Variants in SBK1 observed in about 807,000 individuals in gnomAD.
The protein encoded by SBK1 is SH3 domain binding kinase 1, also known as serine/threonine-protein kinase SBK1.
Under a neutral mutation model 24.4 loss-of-function variants are expected in SBK1, and 11 were observed. The ratio of observed to expected loss-of-function variants is 0.45; its 90% confidence interval spans 0.28 to 0.75. SBK1 has a LOEUF of 0.75. Ranked by LOEUF, SBK1 falls within the 30% of genes least tolerant of loss-of-function variation. SBK1 has a pLI of 0.12. For synonymous variants in SBK1, 308 were observed against 284.4 expected (o/e 1.08, Z -0.83); for missense variants, 467 against 620.5 (o/e 0.75, Z 2.63).
At position 28,320,824 on chromosome 16, in the gene SBK1, G is replaced by T; in HGVS notation, c.1178G>T (p.Gly393Val). The T allele has an allele frequency of 6.9e-7, 1 of 1,459,468 alleles. No homozygotes were observed. Among genetic ancestry groups the T allele is most frequent in the South Asian group, 1.2e-5 (1 of 80,488 alleles). The allele number at this position is 1,459,468 out of a possible 1,614,324, so 90.4% of individuals were successfully genotyped here. The change falls in exon 4 of 4, where the codon GGC (glycine) becomes GTC (valine). Residue 393 changes from glycine (G) to valine (V), a missense_variant. Coordinates refer to ENST00000341901, the MANE Select transcript of SBK1 (RefSeq NM_001024401.3). The surrounding 1 kb of genome is among the most constrained non-coding windows in gnomAD (Gnocchi z 8.5). ...GTGCCGGTGCCTGTGCCCGAGCCCG[G>T]CCTAGCTCCCCAGGGGCCCCCCGGC... The part of the protein sequence containing the change: ...VPVPVPVPEP[G>V]LAPQGPPGRT...
chr16:28,282,407 G>A (rs2044538692), intron 1 of SBK1, among the ~76,000 whole-genome samples: 1 of 152,124 alleles, frequency 6.6e-6, no homozygotes, highest in South Asian at 2.1e-4. Flanking sequence ...CTCAGCTCCC[G>A]TCACCCCTCA....
Position 28,317,527 on chromosome 16 carries a change from G to T in SBK1, c.136G>T (p.Ala46Ser). 6.2e-7 allele frequency: 1 copy of T among 1,614,168 alleles called. No individual in the cohort carries two copies. Among genetic ancestry groups the T allele is most frequent in the South Asian group, 1.1e-5 (1 of 91,080 alleles). The change falls in exon 2 of 4, where the codon GCC becomes TCC. Residue 46 changes from alanine to serine, a missense_variant. Around this residue, in one of 4 missense-constraint regions of SBK1, gnomAD observed 123 missense variants for 158.2 expected, o/e 0.78. Coordinates refer to ENST00000341901, the MANE Select transcript of SBK1 (RefSeq NM_001024401.3). The surrounding 1 kb of genome is among the most constrained non-coding windows in gnomAD (Gnocchi z 4.2). ...MQALTLRTLA[A>S]SDVTKHYELV... ...GGCCCTGACTCTCCGCACACTGGCC[G>T]CCAGCGACGTCACCAAGCACTACGA...
At chr16:28,311,357 C>A (rs1055335939) in intron 1 of SBK1, among the ~76,000 whole-genome samples, 2 of 151,858 alleles carry the variant, frequency 1.3e-5, no homozygotes, top group African/African-American at 4.8e-5. Flanking sequence ...TGAGACCTGG[C>A]GATGAGGAGG....
rs1446881798 is a variant in SBK1, at chr16:28,270,692, G to A, written c.257+11190G>A. Among the ~76,000 whole-genome samples the A allele has an allele frequency of 2.0e-5, 3 of 151,780 alleles. 1 individual carries two copies. The highest frequency in any genetic ancestry group is 2.0e-4 in the Admixed American group (3 of 15,208). On this transcript the variant is annotated intron_variant, in intron 1 of 3. Coordinates refer to the SBK1 transcript ENST00000671413. ...CCCATTTCAGCCTCCCAAAGTGCTG[G>A]GATTACAGGCATGAGCCACTGTGCC...
At position 28,277,352 on chromosome 16, in the gene SBK1, G is replaced by A. The variant is rs374572624; in HGVS notation, c.257+17850G>A. On this transcript the variant is annotated intron_variant, in intron 1 of 3. Coordinates refer to the SBK1 transcript ENST00000671413. ...ACATAGAGACAGAGAGAGAGAGAGA[G>A]AAAAAAAAAAGACAACAGGGGAGTA... Among the ~76,000 whole-genome samples the A allele has an allele frequency of 1.8e-3, 263 of 146,732 alleles. 1 individual carries two copies. The highest frequency in any genetic ancestry group is 9.1e-3 in the East Asian group (46 of 5,030).
At chr16:28,311,665 C>T (rs1459335397) in intron 1 of SBK1, among the ~76,000 whole-genome samples, 3 of 151,520 alleles carry the variant, frequency 2.0e-5, no homozygotes, top group African/African-American at 7.3e-5. Flanking sequence ...GATCTGCACT[C>T]CAGCCTGGGC....
intron 1 of SBK1, among the ~76,000 whole-genome samples, chr16:28,307,284 A>G (rs1018484711): frequency 6.6e-6 from 1 of 152,224 alleles, no homozygotes; most frequent in Non-Finnish European, 1.5e-5. Context: ...ATTAACCCCA[A>G]TACACAGATG....
At position 28,317,750 on chromosome 16, in the gene SBK1, G is replaced by A. The variant is rs542976999; in HGVS notation, c.226+133G>A. 29 of 686,284 alleles carry A rather than the reference G, an allele frequency of 4.2e-5. 1 individual carries two copies. Among genetic ancestry groups the A allele is most frequent in the African/African-American group, 3.7e-4 (21 of 56,812 alleles). 42.5% of individuals were successfully genotyped at this position (686,284 alleles called of 1,614,324 possible). A position where few individuals can be genotyped will look rare whatever the true frequency, so the allele number is the denominator to read the frequency against. ...TGTGGAAGCCAGGAGGCAGGGTCAG[G>A]GGCCAGATGTAGAGGATGAGGCCTG... On this transcript the variant is annotated intron_variant, in intron 2 of 3. Transcript: ENST00000341901. This position sits in a 1 kb window ranked among gnomAD's most constrained non-coding sequence, Gnocchi z 4.2.
intron 1 of SBK1, among the ~76,000 whole-genome samples, chr16:28,316,602 A>C (rs2044797761): frequency 6.7e-6 from 1 of 149,934 alleles, no homozygotes; most frequent in African/African-American, 2.4e-5. Context: ...CCAACTCTAC[A>C]AAAAAAAAAT....
intron 1 of SBK1, among the ~76,000 whole-genome samples, chr16:28,294,310 T>C (rs1011028621): frequency 2.0e-5 from 3 of 152,154 alleles, no homozygotes; most frequent in Non-Finnish European, 4.4e-5. Context: ...GAACACACTC[T>C]GGGCTGCTGG....
At chr16:28,295,968 C>T (rs1199688535) in intron 1 of SBK1, among the ~76,000 whole-genome samples, 3 of 149,348 alleles carry the variant, frequency 2.0e-5, no homozygotes, top group Non-Finnish European at 3.0e-5. Context: ...TCTTGTTGCC[C>T]GGGCTGGAGT....
intron 1 of SBK1, among the ~76,000 whole-genome samples, chr16:28,315,433 A>G (rs2044788047): frequency 6.6e-6 from 1 of 152,164 alleles, no homozygotes; most frequent in African/African-American, 2.4e-5. Flanking sequence ...AATGAAGGCC[A>G]CGGATGGAGA....
At position 28,320,962 on chromosome 16, in the gene SBK1, C is replaced by G. The variant is rs2044839847; in HGVS notation, c.*41C>G. ...CTCGGACCCGGGAGCAGCCCGGGCC[C>G]GCCCCGAGCCGGTGCCCGGTGCGGC... On this transcript the variant is annotated 3_prime_UTR_variant, in exon 4 of 4. Coordinates refer to ENST00000341901, the MANE Select transcript of SBK1 (RefSeq NM_001024401.3). This position sits in a 1 kb window ranked among gnomAD's most constrained non-coding sequence, Gnocchi z 8.5. 1.5e-6 allele frequency: 2 copies of G among 1,349,386 alleles called. No homozygotes were observed. Among genetic ancestry groups the G allele is most frequent in the Non-Finnish European group, 1.9e-6 (2 of 1,056,158 alleles). The allele number at this position is 1,349,386 out of a possible 1,614,324, so 83.6% of individuals were successfully genotyped here. A position where few individuals can be genotyped will look rare whatever the true frequency, so the allele number is the denominator to read the frequency against.
chr16:28,278,489 G>A (rs2044509133), intron 1 of SBK1, among the ~76,000 whole-genome samples: 2 of 152,168 alleles, frequency 1.3e-5, no homozygotes, highest in Admixed American at 1.3e-4. Flanking sequence ...CTACAGGCAG[G>A]TGTCACCACG....
intron 1 of SBK1, among the ~76,000 whole-genome samples, chr16:28,277,813 A>G (rs2044503325): frequency 6.6e-6 from 1 of 152,162 alleles, no homozygotes; most frequent in South Asian, 2.1e-4. Context: ...AGAGACAGAG[A>G]CAGAGCGCGC....
chr16:28,282,785 A>G (rs2044541347), intron 1 of SBK1, among the ~76,000 whole-genome samples: 1 of 150,678 alleles, frequency 6.6e-6, no homozygotes, highest in South Asian at 2.1e-4. Context: ...CTAAACTCCA[A>G]GGACCCAAAC....
At chr16:28,279,889 G>A (rs1396823651) in intron 1 of SBK1, among the ~76,000 whole-genome samples, 1 of 151,834 alleles carries the variant, frequency 6.6e-6, no homozygotes, top group African/African-American at 2.4e-5. Flanking sequence ...GAAGCACGGG[G>A]GGACATGTGG....
chr16:28,280,115 C>CTATATATA (rs1193408430), intron 1 of SBK1, among the ~76,000 whole-genome samples: 657 of 29,388 alleles, frequency 0.022, 40 homozygotes, highest in South Asian at 0.04. Flanking sequence ...TTGAAAAAAA[C>CTATATATA]TATATATATA....
chr16:28,276,874 C>T (rs897718187), intron 1 of SBK1, among the ~76,000 whole-genome samples: 18 of 151,990 alleles, frequency 1.2e-4, no homozygotes, highest in African/African-American at 4.3e-4. Flanking sequence ...CCGTGTTAGC[C>T]AGGATGGTCT....
Sources: allele counts gnomAD v4.1 joint callset (sites outside exome capture counted in the v4.1 genomes callset), GRCh38; gene constraint gnomAD v4.1.1; regional missense constraint gnomAD v4.1.1; non-coding constraint Gnocchi (gnomAD v3.1); transcripts MANE v1.5; gene names NCBI Gene and HGNC (gene_info 2026-07-23, HGNC 2026-07-21).